The following GRID2 variants were observed in gnomAD, a reference collection of about 807,000 sequenced individuals.
GRID2 encodes glutamate ionotropic receptor delta type subunit 2, also known as glutamate receptor ionotropic, delta-2.
GRID2 carries 33 observed loss-of-function variants against 114.8 expected under a neutral mutation model. The observed-to-expected ratio is 0.29, with a 90% CI of 0.22 to 0.38. The LOEUF (loss-of-function observed/expected upper bound fraction) is 0.38, where lower values mean the gene tolerates loss of function less well. GRID2 is among the 10% of genes least tolerant of loss of function. GRID2 has a pLI of 1.00. For synonymous variants in GRID2, 505 were observed against 449.9 expected, an observed-to-expected ratio of 1.12 and a Z score of -1.55; for missense variants, 1,184 against 1,257.7, an observed-to-expected ratio of 0.94 and a Z score of 0.89.
chr4:93,205,715 C>T (rs62309158), intron 4 of GRID2, among the ~76,000 whole-genome samples: 1 of 151,940 alleles, frequency 6.6e-6, no homozygotes, highest in African/African-American at 2.4e-5. Flanking sequence ...TAGTTCTAGA[C>T]CCCTAAGGAA....
At chr4:93,683,608 C>T (rs1025446324) in intron 14 of GRID2, among the ~76,000 whole-genome samples, 3 of 152,060 alleles carry the variant, frequency 2.0e-5, no homozygotes, top group African/African-American at 7.2e-5. Flanking sequence ...AGCATTACTG[C>T]CCTTTTCCTA....
chr4:92,385,563 A>G (rs1434535825), intron 1 of GRID2, among the ~76,000 whole-genome samples: 4 of 151,656 alleles, frequency 2.6e-5, no homozygotes, highest in South Asian at 2.1e-4. Context: ...ACAGGAATGG[A>G]ATTCATAAAA....
At chr4:93,423,614 A>G (rs1257210838) in intron 10 of GRID2, among the ~76,000 whole-genome samples, 1 of 151,952 alleles carries the variant, frequency 6.6e-6, no homozygotes, top group Non-Finnish European at 1.5e-5. Flanking sequence ...AAATTAAAAC[A>G]TTCACTGCTT....
At chr4:93,182,433 G>A (rs1027466008) in intron 4 of GRID2, among the ~76,000 whole-genome samples, 1 of 152,074 alleles carries the variant, frequency 6.6e-6, no homozygotes, top group Non-Finnish European at 1.5e-5. Flanking sequence ...AAAATAGACT[G>A]CATTATCAAT....
At chr4:92,387,755 T>A (rs889111913) in intron 1 of GRID2, among the ~76,000 whole-genome samples, 2 of 152,004 alleles carry the variant, frequency 1.3e-5, no homozygotes, top group African/African-American at 4.8e-5. Flanking sequence ...ACTTTCTCAA[T>A]GTAGAAGGGG....
chr4:93,526,040 A>C (rs369040355), intron 13 of GRID2, among the ~76,000 whole-genome samples: 1 of 152,288 alleles, frequency 6.6e-6, no homozygotes, highest in East Asian at 1.9e-4. Flanking sequence ...ACCAAAAATT[A>C]AAAATTATAA....
At chr4:92,551,851 A>T (rs563299511) in intron 1 of GRID2, among the ~76,000 whole-genome samples, 97 of 152,250 alleles carry the variant, frequency 6.4e-4, no homozygotes, top group Admixed American at 1.1e-3. Flanking sequence ...AATGGAGAAG[A>T]CTTCATATTT....
At chr4:93,160,452 T>C (rs1284512165) in intron 4 of GRID2, among the ~76,000 whole-genome samples, 1 of 151,856 alleles carries the variant, frequency 6.6e-6, no homozygotes, top group African/African-American at 2.4e-5. Flanking sequence ...AGTCTTACCT[T>C]ATTAGCCCAA....
At chr4:93,740,138 C>T (rs1731246501) in intron 14 of GRID2, among the ~76,000 whole-genome samples, 1 of 152,112 alleles carries the variant, frequency 6.6e-6, no homozygotes, top group Non-Finnish European at 1.5e-5. Flanking sequence ...TTTAGATACA[C>T]AAATAATTGC....
intron 13 of GRID2, among the ~76,000 whole-genome samples, chr4:93,623,633 C>T (rs1742419137): frequency 6.6e-6 from 1 of 152,180 alleles, no homozygotes; most frequent in Admixed American, 6.5e-5. Context: ...GGCACATATA[C>T]ACTATGGAAT....
chr4:92,550,715 G>A (rs980149727), intron 1 of GRID2, among the ~76,000 whole-genome samples: 5 of 151,994 alleles, frequency 3.3e-5, no homozygotes, highest in African/African-American at 7.2e-5. Flanking sequence ...AAAACAAAAC[G>A]AAAACATGAT....
At chr4:92,333,583 A>T (rs927674861) in intron 1 of GRID2, among the ~76,000 whole-genome samples, 2 of 151,822 alleles carry the variant, frequency 1.3e-5, no homozygotes, top group African/African-American at 2.4e-5. Context: ...AATTTTCTAA[A>T]TTTTTCCCTT....
chr4:92,656,792 T>A (rs946485389), intron 2 of GRID2, among the ~76,000 whole-genome samples: 1 of 151,782 alleles, frequency 6.6e-6, no homozygotes, highest in African/African-American at 2.4e-5. Context: ...AATTAACTTG[T>A]GTTTTAAAGA....
chr4:92,883,830 G>A (rs893425672), intron 2 of GRID2, among the ~76,000 whole-genome samples: 1 of 152,134 alleles, frequency 6.6e-6, no homozygotes, highest in African/African-American at 2.4e-5. Flanking sequence ...AGGCTTTGTT[G>A]TTCCATTTAT....
At chr4:93,606,198 C>G (rs540990461) in intron 13 of GRID2, among the ~76,000 whole-genome samples, 2 of 152,082 alleles carry the variant, frequency 1.3e-5, no homozygotes, top group South Asian at 4.2e-4. Context: ...ACCCGGAAAA[C>G]AGAGACTGCA....
chr4:93,042,299 C>CTATATA (rs771214923), intron 2 of GRID2, among the ~76,000 whole-genome samples: 74 of 102,636 alleles, frequency 7.2e-4, no homozygotes, highest in Non-Finnish European at 4.7e-4. Flanking sequence ...CTCTCTCTCT[C>CTATATA]TATATATATA....
intron 1 of GRID2, among the ~76,000 whole-genome samples, chr4:92,456,662 T>G (rs528501337): frequency 6.6e-6 from 1 of 152,296 alleles, no homozygotes; most frequent in African/African-American, 2.4e-5. Context: ...GTATCACTTT[T>G]GGGATCTATA....
intron 8 of GRID2, among the ~76,000 whole-genome samples, chr4:93,273,709 C>T (rs1751750447): frequency 6.6e-6 from 1 of 152,018 alleles, no homozygotes; most frequent in African/African-American, 2.4e-5. Flanking sequence ...CAGGCCCTGC[C>T]ATTGCTGAAT....
At chr4:93,421,237 C>T (rs1768256831) in intron 9 of GRID2, among the ~76,000 whole-genome samples, 1 of 152,112 alleles carries the variant, frequency 6.6e-6, no homozygotes, top group African/African-American at 2.4e-5. Context: ...GTTTACATCA[C>T]GTTGGCCAGA....
Sources: allele counts gnomAD v4.1 joint callset (sites outside exome capture counted in the v4.1 genomes callset), GRCh38; gene constraint gnomAD v4.1.1; transcripts MANE v1.5; gene names NCBI Gene and HGNC (gene_info 2026-07-23, HGNC 2026-07-21).